Variants in USP6NL observed in about 807,000 individuals in gnomAD.
The protein encoded by USP6NL is USP6 N-terminal-like protein.
Under a neutral mutation model 61.9 loss-of-function variants are expected in USP6NL, and 26 were observed. That is an observed-to-expected ratio of 0.42 (90% confidence interval 0.31 to 0.58). The LOEUF (loss-of-function observed/expected upper bound fraction) is 0.58, where lower values mean the gene tolerates loss of function less well. USP6NL is among the 20% of genes least tolerant of loss of function. The pLI is 0.16. For missense variants in USP6NL, 1,114 were observed against 1,034.3 expected, an observed-to-expected ratio of 1.08 and a Z score of -1.06; for synonymous variants, 432 against 390.1, an observed-to-expected ratio of 1.11 and a Z score of -1.27.
At chr10:11,488,256 T>A (rs535584681) in intron 10 of USP6NL, among the ~76,000 whole-genome samples, 14 of 151,900 alleles carry the variant, frequency 9.2e-5, no homozygotes, top group Admixed American at 2.6e-4. Context: ...TACAAAAAAT[T>A]TAAAAAATTA....
At position 11,606,062 on chromosome 10, in the gene USP6NL, G is replaced by A. The variant is rs571290246; in HGVS notation, c.-84+5381C>T. Among the ~76,000 whole-genome samples, 135 of 151,066 alleles carry A rather than the reference G, an allele frequency of 8.9e-4. 1 individual carries two copies. Among genetic ancestry groups the A allele is most frequent in the African/African-American group, 3.1e-3 (128 of 41,160 alleles). On this transcript the variant is annotated intron_variant, in intron 1 of 14. Transcript: ENST00000609104. Reference sequence around the variant, plus strand: ...AAATGGTGCAAGAGGGAGAGGAGGAGGAAAATAGAAACAGAAAGAGACAGA... The same window carrying A: ...AAATGGTGCAAGAGGGAGAGGAGGAAGAAAATAGAAACAGAAAGAGACAGA...
In USP6NL at chr10:11,493,047, C is replaced by T. The variant is rs1008911139; in HGVS notation, c.494+72G>A. 5.1e-5 allele frequency: 68 copies of T among 1,330,028 alleles called. 1 individual carries two copies. Among genetic ancestry groups the T allele is most frequent in the Middle Eastern group, 3.6e-4 (2 of 5,546 alleles). 82.4% of individuals were successfully genotyped at this position (1,330,028 alleles called of 1,614,324 possible). A position where few individuals can be genotyped will look rare whatever the true frequency, so the allele number is the denominator to read the frequency against. ...AAATCGAAATTACAGTCTATAAAGG[C>T]ATTCTAATTTTAAGTTAATAAAGAC... On this transcript the variant is annotated intron_variant, in intron 8 of 14. Coordinates refer to ENST00000609104, the MANE Select transcript of USP6NL (RefSeq NM_014688.5).
rs1454875144 is a variant in USP6NL, at chr10:11,562,292, G to T, written c.5-34725C>A. 8.0e-6 allele frequency: 6 copies of T among 754,516 alleles called. No homozygotes were observed. The Admixed American group carries it at 2.5e-4, about 32-fold the overall frequency. 46.7% of individuals were successfully genotyped at this position (754,516 alleles called of 1,614,324 possible). On this transcript the variant is annotated intron_variant, in intron 2 of 14. Coordinates refer to ENST00000609104, the MANE Select transcript of USP6NL (RefSeq NM_014688.5). This position sits in a 1 kb window ranked among gnomAD's most constrained non-coding sequence, Gnocchi z 4.8. ...AAAAAAAAAAAAATTGCATTCCCAG[G>T]ACCCCCCTGCAGCTAGCAGCAGCCA...
chr10:11,484,099 C>T (rs977738627), intron 13 of USP6NL, among the ~76,000 whole-genome samples: 3 of 152,112 alleles, frequency 2.0e-5, no homozygotes, highest in Non-Finnish European at 2.9e-5. Context: ...AGTTGGGAAG[C>T]GCAACAGATC....
chr10:11,606,924 G>A (rs754103364), intron 1 of USP6NL, among the ~76,000 whole-genome samples: 3 of 151,802 alleles, frequency 2.0e-5, no homozygotes, highest in Admixed American at 6.6e-5. Flanking sequence ...CGAGTAGCTG[G>A]GACCACAAGC....
intron 2 of USP6NL, among the ~76,000 whole-genome samples, chr10:11,542,505 G>A (rs1836107457): frequency 6.6e-6 from 1 of 152,138 alleles, no homozygotes; most frequent in Non-Finnish European, 1.5e-5. Context: ...GATCACCTAA[G>A]GCCAGGAGTT....
At chr10:11,564,907 T>C (rs1373390421) in intron 2 of USP6NL, 2 of 152,246 alleles carry the variant, frequency 1.3e-5, no homozygotes, top group African/African-American at 4.8e-5. Context: ...AACATATATT[T>C]GGGACAGTAC....
intron 2 of USP6NL, among the ~76,000 whole-genome samples, chr10:11,557,082 T>A (rs144940333): frequency 6.6e-6 from 1 of 152,338 alleles, no homozygotes; most frequent in African/African-American, 2.4e-5. Flanking sequence ...CTAAAGCATA[T>A]AATTTATTAT....
Position 11,589,356 on chromosome 10 carries a change from C to T in USP6NL, c.4+8275G>A, listed in dbSNP as rs1229919180. ...ATAATTGTCAAAAGTAAACAGTTTG[C>T]AATGCTCTTCCAACACTGGTAATAG... On this transcript the variant is annotated intron_variant, in intron 2 of 14. Transcript: ENST00000609104. The surrounding 1 kb of genome is among the most constrained non-coding windows in gnomAD (Gnocchi z 4.7). Among the ~76,000 whole-genome samples the T allele has an allele frequency of 6.6e-6, 1 of 152,146 alleles. No homozygotes were observed. The highest frequency in any genetic ancestry group is 6.6e-5 in the Admixed American group (1 of 15,256).
intron 1 of USP6NL, among the ~76,000 whole-genome samples, chr10:11,607,487 C>G (rs961298248): frequency 7.2e-5 from 11 of 152,100 alleles, no homozygotes; most frequent in African/African-American, 2.7e-4. Flanking sequence ...AATTCAAGAC[C>G]AGCCTGGGCA....
At chr10:11,554,183 C>T (rs888692009) in intron 2 of USP6NL, among the ~76,000 whole-genome samples, 4 of 152,174 alleles carry the variant, frequency 2.6e-5, no homozygotes, top group East Asian at 1.9e-4. Context: ...GAAAGAGCAA[C>T]GGTGCAGCCC....
intron 6 of USP6NL, among the ~76,000 whole-genome samples, chr10:11,507,183 T>C (rs1189129714): frequency 6.6e-6 from 1 of 152,228 alleles, no homozygotes; most frequent in Non-Finnish European, 1.5e-5. Context: ...TAGGCATATG[T>C]AGACCACAGA....
chr10:11,570,371 A>C (rs1837313173), intron 2 of USP6NL, among the ~76,000 whole-genome samples: 1 of 152,176 alleles, frequency 6.6e-6, no homozygotes, highest in African/African-American at 2.4e-5. Flanking sequence ...CTACTGTCAT[A>C]ATCTAGAGGA....
intron 14 of USP6NL, among the ~76,000 whole-genome samples, chr10:11,472,417 C>A (rs1173574280): frequency 6.6e-6 from 1 of 152,214 alleles, no homozygotes; most frequent in South Asian, 2.1e-4. Context: ...TGACAAGAGG[C>A]GCATCATTGC....
chr10:11,580,214 T>C (rs1382854492), intron 2 of USP6NL, among the ~76,000 whole-genome samples: 9 of 152,326 alleles, frequency 5.9e-5, no homozygotes, highest in Non-Finnish European at 1.0e-4. Flanking sequence ...AGCTTTAGAC[T>C]CATTAGTTGT....
chr10:11,570,817 C>T (rs1271364723), intron 2 of USP6NL, among the ~76,000 whole-genome samples: 5 of 151,912 alleles, frequency 3.3e-5, no homozygotes, highest in Admixed American at 3.3e-4. Context: ...GAGATGCAGG[C>T]TAATGAGGAC....
chr10:11,497,279 C>T (rs574028597), intron 7 of USP6NL, among the ~76,000 whole-genome samples: 4 of 150,998 alleles, frequency 2.6e-5, no homozygotes, highest in African/African-American at 4.8e-5. Context: ...GGCATGGTGG[C>T]GGGCACCTGT....
In USP6NL at chr10:11,493,199, TG is replaced by T. The variant is rs1276339537; in HGVS notation, c.413del (p.Ser138TyrfsTer7). 6.2e-7 allele frequency: 1 copy of T among 1,612,070 alleles called. No homozygotes were observed. The highest frequency in any genetic ancestry group is 1.1e-5 in the South Asian group (1 of 90,392). On this transcript the variant is annotated frameshift_variant, in exon 8 of 15. Coordinates refer to ENST00000609104, the MANE Select transcript of USP6NL (RefSeq NM_014688.5). LOFTEE classifies it high-confidence loss of function. ...CCAGGTCTATTTGTCTGATGTCAGG[TG>T]AACAGCCCCGTGCTCTGTGTTTTAA... ...SKLKHRARGC[S>X]PDIRQIDLDV...
chr10:11,536,048 TAAAG>T (rs1237223146), intron 2 of USP6NL, among the ~76,000 whole-genome samples: 6 of 152,034 alleles, frequency 3.9e-5, no homozygotes, highest in Admixed American at 6.6e-5. Context: ...ACACAAAAAA[TAAAG>T]GAAGGTACAT....
Sources: gnomAD v4.1 joint callset for allele counts (sites outside exome capture counted in the v4.1 genomes callset) on GRCh38, gnomAD v4.1.1 for gene constraint, Gnocchi (gnomAD v3.1) non-coding constraint, MANE v1.5 for transcripts, NCBI Gene and HGNC (gene_info 2026-07-23, HGNC 2026-07-21) for gene names.